IDH3A: variants seen among roughly 807,000 people sequenced by gnomAD.
The protein encoded by IDH3A is isocitrate dehydrogenase (NAD(+)) 3 catalytic subunit alpha, also known as isocitrate dehydrogenase [NAD] subunit alpha, mitochondrial.
IDH3A carries 23 observed loss-of-function variants against 43.3 expected under a neutral mutation model. That is an observed-to-expected ratio of 0.53 (90% CI 0.38 to 0.75). The LOEUF (loss-of-function observed/expected upper bound fraction) is 0.75, where lower values mean the gene tolerates loss of function less well. IDH3A is among the 30% of genes least tolerant of loss of function. The pLI, the probability that IDH3A is intolerant of heterozygous loss-of-function variation, is 0.00. For synonymous variants in IDH3A, 154 were observed against 163.5 expected, an observed-to-expected ratio of 0.94 and a Z score of 0.44; for missense variants, 329 against 474.4, an observed-to-expected ratio of 0.69 and a Z score of 2.85.
chr15:78,153,624 T>TA (rs1193146969), intron 1 of IDH3A, among the ~76,000 whole-genome samples: 1 of 152,212 alleles, frequency 6.6e-6, no homozygotes, highest in Non-Finnish European at 1.5e-5. Context: ...TACCAATAAA[T>TA]ATTTCAGCAA....
intron 10 of IDH3A, chr15:78,166,586 A>G (rs1418644771): frequency 2.7e-6 from 1 of 368,766 alleles, no homozygotes. Context: ...AGGCAGCATC[A>G]GGTGCACGCC....
At position 78,157,627 on chromosome 15, in the gene IDH3A, C is replaced by T; in HGVS notation, c.170C>T (p.Ala57Val). Residue 57 changes from alanine (A) to valine (V), a missense_variant, in exon 3 of 11, where the codon GCC (alanine) becomes GTC (valine). By Grantham distance (64) the Ala-to-Val change is moderately conservative. Coordinates refer to ENST00000299518, the MANE Select transcript of IDH3A (RefSeq NM_005530.3). ...GCAGTTATGAAGATTTTTGATGCTG[C>T]CAAAGTAAGTGGGCTTAAAAAATAC... ...SAAVMKIFDA[A>V]KAPIQWEERN... 2 of 1,606,702 alleles carry T rather than the reference C, an allele frequency of 1.2e-6. No individual in the cohort carries two copies. Among genetic ancestry groups the T allele is most frequent in the Non-Finnish European group, 1.7e-6 (2 of 1,174,518 alleles).
intron 8 of IDH3A, among the ~76,000 whole-genome samples, chr15:78,164,574 A>T (rs1379455395): frequency 6.6e-6 from 1 of 151,674 alleles, no homozygotes. Flanking sequence ...CTGGTCTGGA[A>T]CTCCTGACCT....
chr15:78,154,781 C>T (rs1321113463), intron 1 of IDH3A: 1 of 153,620 alleles, frequency 6.5e-6, no homozygotes, highest in Non-Finnish European at 1.4e-5. Context: ...GAGTTGTGCT[C>T]TGGATTTCAT....
At position 78,157,630 on chromosome 15, in the gene IDH3A, A is replaced by G; in HGVS notation, c.173A>G (p.Lys58Arg). 1 of 1,605,904 alleles carries G rather than the reference A, an allele frequency of 6.2e-7. No homozygotes were observed. The highest frequency in any genetic ancestry group is 1.1e-5 in the South Asian group (1 of 90,298). The change falls in exon 3 of 11, where the codon AAA (lysine) becomes AGA (arginine). Residue 58 changes from lysine (K) to arginine (R), a missense_variant and splice_region_variant. Physicochemically the swap from Lys to Arg is conservative, Grantham distance 26 (BLOSUM62 2). Coordinates refer to ENST00000299518, the MANE Select transcript of IDH3A (RefSeq NM_005530.3). The part of the protein sequence containing the change: ...AAVMKIFDAA[K>R]APIQWEERNV... ...GTTATGAAGATTTTTGATGCTGCCAAAGTAAGTGGGCTTAAAAAATACATT... is the reference window on the plus strand; with the variant it reads ...GTTATGAAGATTTTTGATGCTGCCAGAGTAAGTGGGCTTAAAAAATACATT...
At chr15:78,158,465 T>TATATATATATATATATA (rs1179618862) in intron 3 of IDH3A, among the ~76,000 whole-genome samples, 1 of 27,042 alleles carries the variant, frequency 3.7e-5, no homozygotes, top group Non-Finnish European at 6.7e-5. Context: ...ATATATATAT[T>TATATATATATATATATA]TTTTTTTTTT....
intron 1 of IDH3A, among the ~76,000 whole-genome samples, chr15:78,153,158 A>G (rs368560434): frequency 6.6e-6 from 1 of 151,730 alleles, no homozygotes; most frequent in African/African-American, 2.4e-5. Flanking sequence ...GTGCAGTGGC[A>G]TAATCATAGC....
chr15:78,163,866 A>C, intron 8 of IDH3A, 86 bp downstream of exon 8: 1 of 858,532 alleles, frequency 1.2e-6, no homozygotes, highest in Non-Finnish European at 2.0e-6. Flanking sequence ...TTTTCAATTG[A>C]GTATTGTGAA....
At chr15:78,163,897 T>C (rs2074709520) in intron 8 of IDH3A, 117 bp downstream of exon 8, 5 of 694,484 alleles carry the variant, frequency 7.2e-6, no homozygotes, top group Non-Finnish European at 1.3e-5. Flanking sequence ...TGTTGTAACA[T>C]ATGAATTGAA....
At chr15:78,150,141 T>C (rs2074561845) in intron 1 of IDH3A, among the ~76,000 whole-genome samples, 1 of 152,222 alleles carries the variant, frequency 6.6e-6, no homozygotes, top group Non-Finnish European at 1.5e-5. Flanking sequence ...AATCCTGCAA[T>C]CTGGAGCGCT....
Position 78,171,412 on chromosome 15 carries a change from T to C in IDH3A, c.*2407T>C, listed in dbSNP as rs751899344. On this transcript the variant is annotated 3_prime_UTR_variant, in exon 11 of 11. Transcript: ENST00000299518. The stretch of plus-strand genomic sequence containing the variant: ...GAAGAGGCTCGGAACGCCTGCCCTC[T>C]ATTCTATAGAAACTGCAGGCATAGG... 7 of 1,591,064 alleles carry C rather than the reference T, an allele frequency of 4.4e-6. No individual in the cohort carries two copies. Among genetic ancestry groups the C allele is most frequent in the Non-Finnish European group, 8.6e-7 (1 of 1,159,822 alleles).
intron 10 of IDH3A, chr15:78,167,343 G>A (rs981676271): frequency 6.6e-6 from 1 of 152,136 alleles, no homozygotes; most frequent in Non-Finnish European, 1.5e-5. Flanking sequence ...ACCCAAGTTG[G>A]TATTAACACG....
chr15:78,154,048 T>C (rs1054743289), intron 1 of IDH3A, among the ~76,000 whole-genome samples: 2 of 152,144 alleles, frequency 1.3e-5, no homozygotes, highest in Non-Finnish European at 2.9e-5. Flanking sequence ...ATACCTTTGG[T>C]CTATGTACCC....
In IDH3A at chr15:78,161,851, C is replaced by T. The variant is rs375254140; in HGVS notation, c.477+83C>T. The T allele has an allele frequency of 1.3e-5, 16 of 1,209,718 alleles. No individual in the cohort carries two copies. The African/African-American group carries it at 1.8e-4, about 14-fold the overall frequency. The allele number at this position is 1,209,718 out of a possible 1,614,324, so 74.9% of individuals were successfully genotyped here. On this transcript the variant is annotated intron_variant, in intron 5 of 10. Coordinates refer to ENST00000299518, the MANE Select transcript of IDH3A (RefSeq NM_005530.3). The surrounding 1 kb of genome is among the most constrained non-coding windows in gnomAD (Gnocchi z 4.8). ...GACCCCAGAGACAGATCTGCTTTATCTCTGTGAGGAGTTGTGGGTGTTTGT... is the reference window on the plus strand; with the variant it reads ...GACCCCAGAGACAGATCTGCTTTATTTCTGTGAGGAGTTGTGGGTGTTTGT...
At chr15:78,160,681 A>G (rs1445326188) in intron 4 of IDH3A, among the ~76,000 whole-genome samples, 1 of 151,966 alleles carries the variant, frequency 6.6e-6, no homozygotes, top group East Asian at 1.9e-4. Flanking sequence ...TTTTGTAGAG[A>G]TGGGGTCTCA....
chr15:78,163,130 C>T (rs1052135011), intron 6 of IDH3A, among the ~76,000 whole-genome samples: 3 of 152,186 alleles, frequency 2.0e-5, no homozygotes, highest in African/African-American at 4.8e-5. Context: ...AATATATTAA[C>T]AGTTTTCCTA....
chr15:78,164,870 C>T (rs918916868), intron 8 of IDH3A, 122 bp from the exon 9 acceptor site: 11 of 723,066 alleles, frequency 1.5e-5, no homozygotes, highest in Non-Finnish European at 2.6e-5. Context: ...CTGGAATCAG[C>T]CATTTATCCA....
At chr15:78,166,104 T>TA in intron 9 of IDH3A, 46 bp from the exon 10 acceptor site, 1 of 1,582,220 alleles carries the variant, frequency 6.3e-7, no homozygotes, top group South Asian at 1.1e-5. Context: ...AGAGGACTGT[T>TA]AGTTTTTGTC....
chr15:78,160,239 G>A, intron 4 of IDH3A, 33 bp downstream of exon 4: 4 of 1,262,480 alleles, frequency 3.2e-6, no homozygotes, highest in Non-Finnish European at 4.6e-6. Context: ...GGTTTTTACA[G>A]ATTTCCGCTA....
Sources: allele counts gnomAD v4.1 joint callset (sites outside exome capture counted in the v4.1 genomes callset), GRCh38; gene constraint gnomAD v4.1.1; non-coding constraint Gnocchi (gnomAD v3.1); transcripts MANE v1.5; gene names NCBI Gene and HGNC (gene_info 2026-07-23, HGNC 2026-07-21).